The following COL5A1 variants were observed in gnomAD, a reference collection of about 807,000 sequenced individuals.
The protein encoded by COL5A1 is collagen alpha-1(V) chain.
In COL5A1, 16 loss-of-function variants were observed where a neutral mutation model predicts 263.7. That is an observed-to-expected ratio of 0.06 (90% CI 0.04 to 0.09). The LOEUF is 0.09. Ranked by LOEUF, COL5A1 falls within the 10% of genes least tolerant of loss-of-function variation. The pLI is 1.00. For missense variants in COL5A1, 2,036 were observed against 2,540.5 expected, an observed-to-expected ratio of 0.80 and a Z score of 4.27; for synonymous variants, 1,012 against 1,004.5, an observed-to-expected ratio of 1.01 and a Z score of -0.14.
chr9:134,784,877 T>G, intron 29 of COL5A1, 112 bp from the exon 30 acceptor site: 1 of 875,282 alleles, frequency 1.1e-6, no homozygotes, highest in Non-Finnish European at 1.9e-6. Flanking sequence ...GGAGCAGCTC[T>G]GACCACAGGG....
intron 4 of COL5A1, among the ~76,000 whole-genome samples, chr9:134,723,330 C>T (rs1205988039): frequency 6.6e-6 from 1 of 152,166 alleles, no homozygotes; most frequent in Non-Finnish European, 1.5e-5. Flanking sequence ...GGTTCAGTCC[C>T]TGAAACTTCA....
intron 1 of COL5A1, among the ~76,000 whole-genome samples, chr9:134,672,614 G>A (rs575558658): frequency 4.8e-4 from 73 of 152,312 alleles, no homozygotes; most frequent in African/African-American, 1.7e-3. Context: ...TCAGGAACAA[G>A]GCAGGAACGT....
At position 134,786,030 on chromosome 9, in the gene COL5A1, A is replaced by G; in HGVS notation, c.2628A>G (p.Pro876=). Residue 876 remains proline, a synonymous_variant, in exon 31 of 66, where the codon CCA becomes CCG. Coordinates refer to ENST00000371817, the MANE Select transcript of COL5A1 (RefSeq NM_000093.5). ...GAGTCCCAGGGTTACCAGGGTATCC[A>G]GGAAGACAAGGACCAAAGGTAACTT... ...KLGVPGLPGY[P]GRQGPKGSIG... The G allele has an allele frequency of 6.2e-7, 1 of 1,613,152 alleles. No homozygotes were observed. The highest frequency in any genetic ancestry group is 1.1e-5 in the South Asian group (1 of 90,814).
intron 7 of COL5A1, 138 bp downstream of exon 7, chr9:134,730,613 T>C (rs1834846073): frequency 8.4e-7 from 1 of 1,194,664 alleles, no homozygotes; most frequent in South Asian, 1.3e-5. Context: ...CACCACACCC[T>C]GGCCCTGGGC....
At chr9:134,649,734 G>A (rs904047074) in intron 1 of COL5A1, 27 of 341,660 alleles carry the variant, frequency 7.9e-5, no homozygotes, top group African/African-American at 4.3e-4. Context: ...AAATGCACAC[G>A]TATGTTTATT....
intron 27 of COL5A1, among the ~76,000 whole-genome samples, chr9:134,777,387 A>T (rs975043131): frequency 2.2e-4 from 34 of 152,146 alleles, no homozygotes; most frequent in African/African-American, 7.5e-4. Context: ...AGCCAGGGCC[A>T]CTTCCTGCAT....
chr9:134,788,452 G>C (rs1482754360), intron 31 of COL5A1, among the ~76,000 whole-genome samples: 1 of 144,456 alleles, frequency 6.9e-6, no homozygotes, highest in South Asian at 2.4e-4. Context: ...AGGTAGGCAG[G>C]TAGATGTATA....
At chr9:134,764,008 T>G (rs1353206606) in intron 20 of COL5A1, among the ~76,000 whole-genome samples, 26 of 45,332 alleles carry the variant, frequency 5.7e-4, no homozygotes, top group South Asian at 7.3e-4. Flanking sequence ...GGCAGCGTGG[T>G]GGGGTCTGGG....
At chr9:134,695,717 T>C (rs1239193320) in intron 2 of COL5A1, among the ~76,000 whole-genome samples, 1 of 152,184 alleles carries the variant, frequency 6.6e-6, no homozygotes, top group Non-Finnish European at 1.5e-5. Flanking sequence ...GACCGTCTCT[T>C]CCTCACTCTA....
chr9:134,753,229 G>A (rs1009839969), intron 14 of COL5A1, among the ~76,000 whole-genome samples: 1 of 152,214 alleles, frequency 6.6e-6, no homozygotes, highest in African/African-American at 2.4e-5. Flanking sequence ...CCCCTGCCCT[G>A]TGGCCTCAAC....
chr9:134,727,373 G>C lies in COL5A1; in HGVS notation c.762G>C (p.Ser254=). The change falls in exon 5 of 66, where the codon TCG becomes TCC. Residue 254 remains serine (S), a synonymous_variant. Transcript: ENST00000371817. The part of the protein sequence containing the change: ...CDTAVPDTPQ[S]QDPNPDEYYT... ...CCGCAGTACCTGACACCCCACAGTCGCAGGACCCCAATCCAGATGAATATG... is the reference window on the plus strand; with the variant it reads ...CCGCAGTACCTGACACCCCACAGTCCCAGGACCCCAATCCAGATGAATATG... 1 of 1,614,048 alleles carries C rather than the reference G, an allele frequency of 6.2e-7. No individual in the cohort carries two copies. The highest frequency in any genetic ancestry group is 8.5e-7 in the Non-Finnish European group (1 of 1,179,980).
At chr9:134,771,088 C>G (rs1320142324) in intron 25 of COL5A1, among the ~76,000 whole-genome samples, 1 of 152,238 alleles carries the variant, frequency 6.6e-6, no homozygotes, top group Admixed American at 6.5e-5. Context: ...TCCGCAGCGG[C>G]GCTGTGTGCA....
chr9:134,782,776 GT>G, intron 29 of COL5A1, 56 bp downstream of exon 29: 1 of 1,422,648 alleles, frequency 7.0e-7, no homozygotes, highest in Non-Finnish European at 9.9e-7. Flanking sequence ...GCTTGGCCGT[GT>G]GGGAGGGGGT....
At chr9:134,691,105 G>A (rs773128109) in intron 2 of COL5A1, 26 bp downstream of exon 2, 14 of 1,611,288 alleles carry the variant, frequency 8.7e-6, no homozygotes, top group Non-Finnish European at 1.2e-5. Flanking sequence ...TTCTGTTTGG[G>A]GCGGTGGGTC....
chr9:134,736,018 C>T (rs1045783608), intron 9 of COL5A1, among the ~76,000 whole-genome samples: 1 of 151,552 alleles, frequency 6.6e-6, no homozygotes, highest in Non-Finnish European at 1.5e-5. Context: ...CGGGAGTCCC[C>T]TTGCCAGCCT....
chr9:134,690,971 A>G lies in COL5A1; in HGVS notation c.169A>G (p.Lys57Glu). The change falls in exon 2 of 66, where the codon AAG becomes GAG. Residue 57 changes from lysine (K) to glutamate (E), a missense_variant. Around this residue, in one of 3 missense-constraint regions of COL5A1, gnomAD observed 600 missense variants for 634.5 expected, o/e 0.95. Transcript: ENST00000371817. ...TCACAACTTGCCTGATGGAATAACA[A>G]AGACAACAGGCTTTTGCGCCACGCG... The part of the protein sequence containing the change: ...DFHNLPDGIT[K>E]TTGFCATRRS... The G allele has an allele frequency of 6.2e-7, 1 of 1,613,900 alleles. No homozygotes were observed. The highest frequency in any genetic ancestry group is 8.5e-7 in the Non-Finnish European group (1 of 1,180,048).
intron 9 of COL5A1, among the ~76,000 whole-genome samples, chr9:134,733,332 C>T: frequency 6.6e-6 from 1 of 152,190 alleles, no homozygotes; most frequent in East Asian, 1.9e-4. Context: ...GGGATGTGTC[C>T]CATCTCTGGG....
At chr9:134,779,952 G>T in intron 27 of COL5A1, 150 bp from the exon 28 acceptor site, 1 of 840,910 alleles carries the variant, frequency 1.2e-6, no homozygotes, top group East Asian at 2.5e-5. Context: ...AGGCCACAGG[G>T]GGACATATGG....
chr9:134,823,824 G>T (rs1485906624), intron 61 of COL5A1, among the ~76,000 whole-genome samples: 1 of 152,134 alleles, frequency 6.6e-6, no homozygotes, highest in East Asian at 1.9e-4. Context: ...ATATGTGCAT[G>T]CATGTGTAAT....
Sources: allele counts gnomAD v4.1 joint callset (sites outside exome capture counted in the v4.1 genomes callset), GRCh38; gene constraint gnomAD v4.1.1; regional missense constraint gnomAD v4.1.1; transcripts MANE v1.5; gene names NCBI Gene and HGNC (gene_info 2026-07-23, HGNC 2026-07-21).